The following FGF14 variants were observed in gnomAD, a reference collection of about 807,000 sequenced individuals.
FGF14 encodes the protein fibroblast growth factor homologous factor 4.
In FGF14, 5 loss-of-function variants were observed where a neutral mutation model predicts 25.5. That is an observed-to-expected ratio of 0.20 (90% confidence interval 0.10 to 0.41). The LOEUF is 0.41. FGF14 is among the 10% of genes least tolerant of loss of function. The pLI is 1.00. For missense variants in FGF14, 222 were observed against 320.1 expected, an observed-to-expected ratio of 0.69 and a Z score of 2.34; for synonymous variants, 138 against 118.3, an observed-to-expected ratio of 1.17 and a Z score of -1.08.
chr13:101,964,391 T>C (rs931984385), intron 1 of FGF14, among the ~76,000 whole-genome samples: 13 of 152,248 alleles, frequency 8.5e-5, no homozygotes, highest in African/African-American at 3.1e-4. Context: ...TAATGAAAAC[T>C]TGCCAAACAG....
intron 3 of FGF14, among the ~76,000 whole-genome samples, chr13:101,808,797 T>C (rs2041341349): frequency 6.6e-6 from 1 of 152,130 alleles, no homozygotes; most frequent in Admixed American, 6.6e-5. Context: ...AATGTCTAGA[T>C]ATAAAACAGA....
chr13:102,001,733 G>C (rs1208960019), intron 1 of FGF14, among the ~76,000 whole-genome samples: 1 of 152,138 alleles, frequency 6.6e-6, no homozygotes, highest in Non-Finnish European at 1.5e-5. Context: ...GAGTAGATTG[G>C]GAACGACTGT....
In FGF14 at chr13:102,363,412, G is replaced by C. The variant is rs1036745546; in HGVS notation, c.208+38059C>G. On this transcript the variant is annotated intron_variant, in intron 1 of 4. Coordinates refer to the FGF14 transcript ENST00000376131. ...TTGAGCAAGTTTCTGTATTTCACAT[G>C]GTCAACTGGGAAATCAGAAATAGGA... Among the ~76,000 whole-genome samples, 3 of 152,126 alleles carry C rather than the reference G, an allele frequency of 2.0e-5. No homozygotes were observed. The East Asian group carries it at 5.8e-4, about 29-fold the overall frequency.
intron 1 of FGF14, among the ~76,000 whole-genome samples, chr13:102,013,637 C>T (rs1473930168): frequency 2.6e-5 from 4 of 152,164 alleles, no homozygotes; most frequent in African/African-American, 9.7e-5. Flanking sequence ...ACAATTTAAA[C>T]ACAATGAGTG....
chr13:102,053,822 T>A (rs1294734485), intron 1 of FGF14, among the ~76,000 whole-genome samples: 10 of 152,136 alleles, frequency 6.6e-5, no homozygotes, highest in Admixed American at 6.5e-4. Context: ...AAAAAGTGAA[T>A]AGAACTTAAG....
rs533965843 is a variant in FGF14 at position 102,128,969 on chromosome 13, G to C, written c.209-253673C>G. Among the ~76,000 whole-genome samples the C allele has an allele frequency of 2.6e-5, 4 of 152,286 alleles. No homozygotes were observed. In the South Asian group the frequency reaches 8.3e-4, roughly 32 times the overall value. On this transcript the variant is annotated intron_variant, in intron 1 of 4. Transcript: ENST00000376131. ...ATTGTGGCAGGCGCCTGTAATCTCA[G>C]ATAGTTGGGAGGCTGAGGCAGGAGA...
intron 1 of FGF14, among the ~76,000 whole-genome samples, chr13:102,264,974 T>G (rs1384011300): frequency 6.6e-6 from 1 of 152,106 alleles, no homozygotes; most frequent in Non-Finnish European, 1.5e-5. Flanking sequence ...ATCATGTAAG[T>G]CCTATGTCAT....
At chr13:102,326,127 C>G (rs576478738) in intron 1 of FGF14, among the ~76,000 whole-genome samples, 2 of 152,088 alleles carry the variant, frequency 1.3e-5, no homozygotes, top group African/African-American at 4.8e-5. Flanking sequence ...AAAGCATAAC[C>G]TCAAATAATA....
At chr13:101,939,241 G>A (rs979128809) in intron 1 of FGF14, among the ~76,000 whole-genome samples, 4 of 152,148 alleles carry the variant, frequency 2.6e-5, no homozygotes, top group East Asian at 1.9e-4. Context: ...CAATCTGTGC[G>A]TTTCATAGAT....
chr13:101,876,874 C>T (rs1466502800), intron 1 of FGF14, among the ~76,000 whole-genome samples: 1 of 152,046 alleles, frequency 6.6e-6, no homozygotes, highest in Non-Finnish European at 1.5e-5. Context: ...AAGACTTCTT[C>T]CTTAGTTTTG....
chr13:102,349,255 C>T (rs2057202889), intron 1 of FGF14, among the ~76,000 whole-genome samples: 2 of 152,184 alleles, frequency 1.3e-5, no homozygotes, highest in African/African-American at 4.8e-5. Flanking sequence ...TGCTCCTCCA[C>T]TCCTCCAGCT....
chr13:102,350,376 TAAA>T (rs11332521), intron 1 of FGF14, among the ~76,000 whole-genome samples: 2 of 136,432 alleles, frequency 1.5e-5, no homozygotes, highest in Admixed American at 7.3e-5. Flanking sequence ...CCTCTTTAAT[TAAA>T]AAAAAAAAAA....
chr13:101,998,921 A>AT (rs943225660), intron 1 of FGF14, among the ~76,000 whole-genome samples: 3 of 152,050 alleles, frequency 2.0e-5, no homozygotes, highest in Admixed American at 6.6e-5. Flanking sequence ...TTAAACACCC[A>AT]TTTTTTTCTT....
intron 1 of FGF14, among the ~76,000 whole-genome samples, chr13:102,316,264 T>C (rs1828832749): frequency 6.6e-6 from 1 of 152,224 alleles, no homozygotes; most frequent in Admixed American, 6.5e-5. Flanking sequence ...TCATGTTACA[T>C]ACAATCAGTT....
intron 1 of FGF14, among the ~76,000 whole-genome samples, chr13:101,912,742 G>T (rs972930412): frequency 6.6e-6 from 1 of 151,802 alleles, no homozygotes; most frequent in Non-Finnish European, 1.5e-5. Flanking sequence ...TATTTATTTA[G>T]GGAAAGTAAA....
At chr13:102,082,487 C>T (rs906265338) in intron 1 of FGF14, among the ~76,000 whole-genome samples, 3 of 152,120 alleles carry the variant, frequency 2.0e-5, no homozygotes, top group Non-Finnish European at 2.9e-5. Flanking sequence ...ACAACCACAA[C>T]AAAAATGGAT....
chr13:102,326,093 T>G (rs1372249344), intron 1 of FGF14, among the ~76,000 whole-genome samples: 1 of 152,232 alleles, frequency 6.6e-6, no homozygotes, highest in Non-Finnish European at 1.5e-5. Flanking sequence ...CAGATCACTA[T>G]GAGTATTGTT....
At chr13:102,371,569 A>G (rs1247353029) in intron 1 of FGF14, among the ~76,000 whole-genome samples, 1 of 152,152 alleles carries the variant, frequency 6.6e-6, no homozygotes, top group Non-Finnish European at 1.5e-5. Flanking sequence ...ACGTTGCATT[A>G]TAATGTCAAT....
At chr13:101,984,746 A>C (rs1372578460) in intron 1 of FGF14, among the ~76,000 whole-genome samples, 2 of 152,160 alleles carry the variant, frequency 1.3e-5, no homozygotes, top group Non-Finnish European at 2.9e-5. Context: ...AGTGAAAAAC[A>C]AATCATGACA....
Sources: allele counts gnomAD v4.1 joint callset (sites outside exome capture counted in the v4.1 genomes callset), GRCh38; gene constraint gnomAD v4.1.1; transcripts MANE v1.5; gene names NCBI Gene and HGNC (gene_info 2026-07-23, HGNC 2026-07-21).